MAF: variants seen among roughly 807,000 people sequenced by gnomAD.
MAF encodes MAF bZIP transcription factor, also known as transcription factor Maf.
MAF carries 10 observed loss-of-function variants against 22.0 expected under a neutral mutation model. That is an observed-to-expected ratio of 0.45 (90% confidence interval 0.28 to 0.77). The LOEUF (loss-of-function observed/expected upper bound fraction) is 0.77. MAF is among the 30% of genes least tolerant of loss of function. The probability of loss-of-function intolerance (pLI) is 0.12; values close to 1 mark genes in which losing one functional copy is unlikely to be tolerated. For synonymous variants in MAF, 337 were observed against 255.8 expected, an observed-to-expected ratio of 1.32 and a Z score of -3.03; for missense variants, 544 against 548.4, an observed-to-expected ratio of 0.99 and a Z score of 0.08.
the MAF span, among the ~76,000 whole-genome samples, chr16:79,553,306 A>G: frequency 6.6e-6 from 1 of 152,226 alleles, no homozygotes; most frequent in Admixed American, 6.5e-5. Flanking sequence ...CTGCATTCAC[A>G]GCAGTTGGCT....
the MAF span, among the ~76,000 whole-genome samples, chr16:79,300,174 C>G: frequency 1.3e-5 from 2 of 152,296 alleles, no homozygotes; most frequent in African/African-American, 4.8e-5. Flanking sequence ...ATGATTGTTT[C>G]TAAGCTAGAT....
At chr16:79,248,635 C>A in the MAF span, among the ~76,000 whole-genome samples, 1 of 152,126 alleles carries the variant, frequency 6.6e-6, no homozygotes, top group Non-Finnish European at 1.5e-5. Flanking sequence ...CTCATTTTCA[C>A]TTAAAAAATA....
chr16:79,242,022 T>C, the MAF span, among the ~76,000 whole-genome samples: 3 of 152,046 alleles, frequency 2.0e-5, no homozygotes, highest in Non-Finnish European at 4.4e-5. Flanking sequence ...AGGCCTGCCT[T>C]ACAAGAGCTC....
chr16:79,546,662 G>C, the MAF span, among the ~76,000 whole-genome samples: 1 of 152,104 alleles, frequency 6.6e-6, no homozygotes, highest in Non-Finnish European at 1.5e-5. Flanking sequence ...CTGTTATCAG[G>C]TGCAACATGG....
downstream of MAF, among the ~76,000 whole-genome samples, chr16:79,592,389 C>T (rs972751948): frequency 2.0e-5 from 3 of 152,120 alleles, no homozygotes; most frequent in Non-Finnish European, 4.4e-5. Flanking sequence ...GGAGCTGGGG[C>T]GGAGCAATGC....
At chr16:79,580,763 T>C in the MAF span, among the ~76,000 whole-genome samples, 1 of 152,294 alleles carries the variant, frequency 6.6e-6, no homozygotes, top group East Asian at 1.9e-4. Context: ...TGTGCACTTT[T>C]CATTTTCATT....
At chr16:79,375,008 T>C in the MAF span, among the ~76,000 whole-genome samples, 1 of 152,214 alleles carries the variant, frequency 6.6e-6, no homozygotes, top group East Asian at 1.9e-4. Context: ...TTAGTTCCTC[T>C]ATGGCCAGGA....
At chr16:79,482,644 G>A in the MAF span, among the ~76,000 whole-genome samples, 3 of 152,080 alleles carry the variant, frequency 2.0e-5, no homozygotes, top group African/African-American at 4.8e-5. Context: ...CAGCAGTGAA[G>A]CACGGAGCAT....
chr16:79,212,720 T>A, the MAF span: 1 of 150,222 alleles, frequency 6.7e-6, no homozygotes. Context: ...TTGTTTTTGT[T>A]TTTCATTTTT....
the MAF span, among the ~76,000 whole-genome samples, chr16:79,392,354 A>G: frequency 1.3e-5 from 2 of 148,276 alleles, no homozygotes; most frequent in Non-Finnish European, 3.0e-5. Context: ...GGAAGGAGGG[A>G]GGAAGGGAGA....
the MAF span, among the ~76,000 whole-genome samples, chr16:79,482,938 C>G: frequency 2.0e-5 from 2 of 98,400 alleles, no homozygotes; most frequent in Non-Finnish European, 4.2e-5. Flanking sequence ...CTCCTCTCCC[C>G]TCCTTCCCTA....
rs774029940 is a variant in MAF, at chr16:79,594,374, C to A, written c.*86G>T. 8.4e-7 allele frequency: 1 copy of A among 1,183,536 alleles called. No homozygotes were observed. Among genetic ancestry groups the A allele is most frequent in the Non-Finnish European group, 1.2e-6 (1 of 813,416 alleles). 73.3% of individuals were successfully genotyped at this position (1,183,536 alleles called of 1,614,324 possible). ...ATTTTTATTTAAAAAGGAGACTAAA[C>A]AGAAGTCAGGGGTAGGTGGTTCTCC... On this transcript the variant is annotated 3_prime_UTR_variant, in exon 2 of 2. Coordinates refer to ENST00000326043, the MANE Select transcript of MAF (RefSeq NM_005360.5).
At chr16:79,591,822 G>T (rs1369476623), downstream of MAF, among the ~76,000 whole-genome samples, 1 of 152,134 alleles carries the variant, frequency 6.6e-6, no homozygotes, top group Non-Finnish European at 1.5e-5. Flanking sequence ...AACATGTCTG[G>T]CTGGTCCAAA....
At chr16:79,204,191 A>G in the MAF span, 2 of 152,138 alleles carry the variant, frequency 1.3e-5, no homozygotes, top group African/African-American at 4.8e-5. Flanking sequence ...ACTTTGAGCA[A>G]TGTAGGTATC....
the MAF span, among the ~76,000 whole-genome samples, chr16:79,292,647 T>C: frequency 6.6e-6 from 1 of 152,098 alleles, no homozygotes; most frequent in Non-Finnish European, 1.5e-5. Flanking sequence ...TTGAGACCTA[T>C]GGGGCTGCAT....
At chr16:79,359,451 C>T in the MAF span, among the ~76,000 whole-genome samples, 1 of 152,146 alleles carries the variant, frequency 6.6e-6, no homozygotes, top group South Asian at 2.1e-4. Flanking sequence ...TAGTCTAATG[C>T]ACTGTCCTCA....
chr16:79,492,570 A>G, the MAF span, among the ~76,000 whole-genome samples: 1 of 152,210 alleles, frequency 6.6e-6, no homozygotes, highest in Non-Finnish European at 1.5e-5. Context: ...ACCAAAAGAC[A>G]CATATGGGAA....
the MAF span, among the ~76,000 whole-genome samples, chr16:79,221,936 T>C: frequency 1.3e-5 from 2 of 152,304 alleles, no homozygotes; most frequent in East Asian, 3.9e-4. Flanking sequence ...TCATTAGCTA[T>C]TTGTTAATAC....
the MAF span, among the ~76,000 whole-genome samples, chr16:79,551,429 C>G: frequency 6.6e-6 from 1 of 152,210 alleles, no homozygotes; most frequent in Non-Finnish European, 1.5e-5. Context: ...GGAAGCAATA[C>G]AGGCATAACC....
Sources: gnomAD v4.1 joint callset for allele counts (sites outside exome capture counted in the v4.1 genomes callset) on GRCh38, gnomAD v4.1.1 for gene constraint, MANE v1.5 for transcripts, NCBI Gene and HGNC (gene_info 2026-07-23, HGNC 2026-07-21) for gene names.